The following FSTL5 variants were observed in gnomAD, a reference collection of about 807,000 sequenced individuals.
FSTL5 encodes the protein follistatin-related protein 5.
A neutral mutation model predicts 89.1 loss-of-function variants in FSTL5; 62 were observed. That is an observed-to-expected ratio of 0.70 (90% CI 0.57 to 0.86). The LOEUF (loss-of-function observed/expected upper bound fraction) is 0.86, where lower values mean the gene tolerates loss of function less well. Among genes scored for constraint, FSTL5 ranks in the 40% least tolerant of loss-of-function variants. The probability of loss-of-function intolerance (pLI) is 0.00; values close to 1 mark genes in which losing one functional copy is unlikely to be tolerated. For synonymous variants in FSTL5, 383 were observed against 346.2 expected (o/e 1.11, Z -1.18); for missense variants, 1,057 against 1,001.6 (o/e 1.06, Z -0.75).
intron 3 of FSTL5, among the ~76,000 whole-genome samples, chr4:161,959,519 G>T (rs1735113755): frequency 6.6e-6 from 1 of 151,994 alleles, no homozygotes; most frequent in Non-Finnish European, 1.5e-5. Context: ...TTACATAACA[G>T]AAGTTCTAAT....
rs1014356980 is a variant in FSTL5 at position 161,692,055 on chromosome 4, T to C, written c.728-35561A>G. Reference sequence around the variant, plus strand: ...ACTAAAAATTAGAGAAATAGTTATTTCCTTTTGTACGTTTTTTTTTCTTGA... The same window carrying C: ...ACTAAAAATTAGAGAAATAGTTATTCCCTTTTGTACGTTTTTTTTTCTTGA... On this transcript the variant is annotated intron_variant, in intron 6 of 15. Transcript: ENST00000306100. Among the ~76,000 whole-genome samples, 68 of 152,062 alleles carry C rather than the reference T, an allele frequency of 4.5e-4. 1 individual carries two copies. The highest frequency in any genetic ancestry group is 3.7e-3 in the Admixed American group (57 of 15,248).
At chr4:161,917,590 A>G (rs2110852358) in intron 4 of FSTL5, among the ~76,000 whole-genome samples, 1 of 152,218 alleles carries the variant, frequency 6.6e-6, no homozygotes, top group African/African-American at 2.4e-5. Context: ...CTGTTTGCGT[A>G]TATATTTAGT....
intron 7 of FSTL5, among the ~76,000 whole-genome samples, chr4:161,595,726 A>G (rs1733991016): frequency 6.6e-6 from 1 of 152,046 alleles, no homozygotes; most frequent in Non-Finnish European, 1.5e-5. Flanking sequence ...TCAGTACATA[A>G]CAGCTGAATT....
chr4:161,548,245 A>T (rs944387767), intron 8 of FSTL5, among the ~76,000 whole-genome samples: 1 of 151,898 alleles, frequency 6.6e-6, no homozygotes, highest in African/African-American at 2.4e-5. Flanking sequence ...TCATATATTG[A>T]TTACTTAGTA....
At chr4:161,896,109 A>T (rs921756500) in intron 4 of FSTL5, among the ~76,000 whole-genome samples, 1 of 152,076 alleles carries the variant, frequency 6.6e-6, no homozygotes, top group South Asian at 2.1e-4. Context: ...CATACTTTTG[A>T]TATATTGTCA....
At chr4:161,559,660 T>C (rs1459792035) in intron 8 of FSTL5, among the ~76,000 whole-genome samples, 1 of 151,954 alleles carries the variant, frequency 6.6e-6, no homozygotes, top group East Asian at 1.9e-4. Context: ...TGGTTTCTCA[T>C]GCATTTTGAA....
intron 15 of FSTL5, among the ~76,000 whole-genome samples, chr4:161,409,026 G>A (rs1731494869): frequency 6.6e-6 from 1 of 152,164 alleles, no homozygotes; most frequent in Non-Finnish European, 1.5e-5. Context: ...AATCTCACTA[G>A]AGAGGTCAAC....
intron 3 of FSTL5, among the ~76,000 whole-genome samples, chr4:162,005,323 C>A (rs17041866): frequency 0.037 from 5,600 of 152,216 alleles, 154 homozygotes; most frequent in South Asian, 0.088. Flanking sequence ...TCCCATAGCA[C>A]CCTCTGCTTA....
At chr4:161,798,991 AG>A (rs1348721019) in intron 4 of FSTL5, among the ~76,000 whole-genome samples, 1 of 151,722 alleles carries the variant, frequency 6.6e-6, no homozygotes, top group Non-Finnish European at 1.5e-5. Context: ...AAGATCAAAA[AG>A]GTAAACCCTA....
chr4:161,503,820 C>G (rs1182008846), intron 11 of FSTL5, among the ~76,000 whole-genome samples: 2 of 152,028 alleles, frequency 1.3e-5, no homozygotes, highest in Admixed American at 6.6e-5. Context: ...AATGGATAAG[C>G]AAGTCTTGTT....
intron 7 of FSTL5, among the ~76,000 whole-genome samples, chr4:161,625,493 C>T (rs748583129): frequency 2.0e-5 from 3 of 151,956 alleles, no homozygotes; most frequent in Non-Finnish European, 4.4e-5. Context: ...GTAAAAATTG[C>T]GTGTGTTCTT....
intron 3 of FSTL5, among the ~76,000 whole-genome samples, chr4:162,024,731 A>G (rs945375704): frequency 2.0e-5 from 3 of 152,060 alleles, no homozygotes; most frequent in Non-Finnish European, 4.4e-5. Context: ...GCATGATCAT[A>G]GTTACTGCAG....
chr4:161,752,090 C>G (rs1740413762), intron 6 of FSTL5, among the ~76,000 whole-genome samples: 1 of 152,062 alleles, frequency 6.6e-6, no homozygotes, highest in African/African-American at 2.4e-5. Flanking sequence ...CTCTGGTAAA[C>G]TTTGTTGTTT....
intron 6 of FSTL5, among the ~76,000 whole-genome samples, chr4:161,722,917 T>C (rs10013537): frequency 0.58 from 87,862 of 151,968 alleles, 27,820 homozygotes; most frequent in Non-Finnish European, 0.71. Flanking sequence ...ATTAAAAGTA[T>C]TCAGTAAAAG....
rs185144630 is a variant in FSTL5 at position 161,851,538 on chromosome 4, T to C, written c.409+68866A>G. Among the ~76,000 whole-genome samples the C allele has an allele frequency of 1.3e-3, 197 of 152,220 alleles. 1 individual carries two copies. The highest frequency in any genetic ancestry group is 4.4e-3 in the African/African-American group (182 of 41,548). The stretch of plus-strand genomic sequence containing the variant: ...TATGTGTCTATATACACTAAATATA[T>C]GCACATATGTATATGCATACATTTA... On this transcript the variant is annotated intron_variant, in intron 4 of 15. Transcript: ENST00000306100.
intron 15 of FSTL5, among the ~76,000 whole-genome samples, chr4:161,437,499 G>A (rs1249739780): frequency 7.0e-6 from 1 of 142,648 alleles, no homozygotes. Flanking sequence ...ACCGGGAGGC[G>A]GAGCTTGCAG....
At chr4:161,847,510 A>G (rs1731407583) in intron 4 of FSTL5, among the ~76,000 whole-genome samples, 1 of 152,172 alleles carries the variant, frequency 6.6e-6, no homozygotes, top group Non-Finnish European at 1.5e-5. Context: ...CTGGCTCTCC[A>G]AAGCACTATT....
At chr4:161,464,585 T>C (rs1281155282) in intron 13 of FSTL5, among the ~76,000 whole-genome samples, 6 of 152,208 alleles carry the variant, frequency 3.9e-5, no homozygotes, top group Non-Finnish European at 1.5e-5. Context: ...CCTCATCTAA[T>C]AGATTCTATG....
chr4:161,882,704 G>A (rs1044144622), intron 4 of FSTL5, among the ~76,000 whole-genome samples: 43 of 152,006 alleles, frequency 2.8e-4, no homozygotes, highest in African/African-American at 9.2e-4. Flanking sequence ...ATAAAAATGA[G>A]TTTTAAAACA....
Sources: allele counts gnomAD v4.1 joint callset (sites outside exome capture counted in the v4.1 genomes callset), GRCh38; gene constraint gnomAD v4.1.1; transcripts MANE v1.5; gene names NCBI Gene and HGNC (gene_info 2026-07-23, HGNC 2026-07-21).